AGBL3: variants seen among roughly 807,000 people sequenced by gnomAD.
The protein encoded by AGBL3 is cytosolic carboxypeptidase 3.
AGBL3 carries 68 observed loss-of-function variants against 94.5 expected under a neutral mutation model. The ratio of observed to expected loss-of-function variants is 0.72; its 90% CI spans 0.59 to 0.88. The LOEUF is 0.88. AGBL3 is among the 40% of genes least tolerant of loss of function. AGBL3 has a pLI of 0.00. For synonymous variants in AGBL3, 354 were observed against 370.7 expected, an observed-to-expected ratio of 0.95 and a Z score of 0.52; for missense variants, 934 against 1,103.8, an observed-to-expected ratio of 0.85 and a Z score of 2.18.
At chr7:135,118,615 A>G (rs954236659) in intron 16 of AGBL3, among the ~76,000 whole-genome samples, 10 of 152,246 alleles carry the variant, frequency 6.6e-5, no homozygotes, top group African/African-American at 2.2e-4. Flanking sequence ...CTATGTTTTA[A>G]TCAGAAATAA....
At chr7:134,988,340 G>A (rs1809737134) in intron 2 of AGBL3, 5 of 208,040 alleles carry the variant, frequency 2.4e-5, no homozygotes, top group South Asian at 2.4e-4. Context: ...GTGTTACATC[G>A]TAGTATGAAT....
intron 4 of AGBL3, among the ~76,000 whole-genome samples, chr7:135,005,709 T>C (rs1305905086): frequency 6.6e-6 from 1 of 151,888 alleles, no homozygotes; most frequent in African/African-American, 2.4e-5. Flanking sequence ...CTCAAGCTTT[T>C]ATATAGCTAC....
chr7:135,113,824 G>A (rs1825961531), intron 15 of AGBL3, among the ~76,000 whole-genome samples: 2 of 152,022 alleles, frequency 1.3e-5, no homozygotes, highest in Non-Finnish European at 1.5e-5. Context: ...CCTCCCCCCA[G>A]CACCTGGAAA....
intron 8 of AGBL3, among the ~76,000 whole-genome samples, chr7:135,041,408 T>C (rs1291468569): frequency 6.6e-6 from 1 of 152,176 alleles, no homozygotes; most frequent in Non-Finnish European, 1.5e-5. Flanking sequence ...AGGAACTGTG[T>C]AAACACCAAA....
chr7:135,095,644 A>G (rs896911554), intron 15 of AGBL3, among the ~76,000 whole-genome samples: 2 of 152,226 alleles, frequency 1.3e-5, no homozygotes, highest in Non-Finnish European at 2.9e-5. Context: ...TCCCCAAAAT[A>G]GAAAATGGAA....
At chr7:135,122,834 GCAA>G (rs1827331810) in intron 16 of AGBL3, among the ~76,000 whole-genome samples, 1 of 152,018 alleles carries the variant, frequency 6.6e-6, no homozygotes, top group African/African-American at 2.4e-5. Flanking sequence ...CAAATAGAAA[GCAA>G]CAACAACAGT....
At chr7:135,099,849 C>T (rs2117012583) in intron 15 of AGBL3, 1 of 134,890 alleles carries the variant, frequency 7.4e-6, no homozygotes, top group Non-Finnish European at 1.6e-5. Flanking sequence ...ATATTTATTT[C>T]TGTGCATTTA....
At chr7:135,017,283 G>A (rs1317862832) in intron 5 of AGBL3, 124 bp downstream of exon 5, 1 of 721,724 alleles carries the variant, frequency 1.4e-6, no homozygotes, top group African/African-American at 1.8e-5. Context: ...ACATAAAGAT[G>A]TTTGTTTATA....
chr7:135,040,034 C>T lies in AGBL3; in HGVS notation c.1500+2454C>T, dbSNP rs186998365. Among the ~76,000 whole-genome samples, 20 of 152,150 alleles carry T rather than the reference C, an allele frequency of 1.3e-4. No individual in the cohort carries two copies. The East Asian group carries it at 3.5e-3, about 27-fold the overall frequency. ...AATATCAAGAATGAAAGAGAGGTAT[C>T]ACTACAGACCCTGCAGGCATTAAAA... On this transcript the variant is annotated intron_variant, in intron 8 of 16. Coordinates refer to ENST00000436302, the MANE Select transcript of AGBL3 (RefSeq NM_178563.4).
At chr7:135,026,248 T>TTTTATTTTTTTTTTTTTA (rs1815098509) in intron 5 of AGBL3, among the ~76,000 whole-genome samples, 1 of 113,722 alleles carries the variant, frequency 8.8e-6, no homozygotes, top group African/African-American at 4.4e-5. Flanking sequence ...AATACCATTA[T>TTTTATTTTTTTTTTTTTA]TTTATTTTAT....
At chr7:135,097,082 C>A (rs1396207829) in intron 15 of AGBL3, among the ~76,000 whole-genome samples, 1 of 152,178 alleles carries the variant, frequency 6.6e-6, no homozygotes, top group Non-Finnish European at 1.5e-5. Context: ...GGGCATACCA[C>A]CCAAATGAAT....
chr7:135,127,561 A>G (rs1828066171), intron 16 of AGBL3, among the ~76,000 whole-genome samples: 1 of 152,140 alleles, frequency 6.6e-6, no homozygotes, highest in Non-Finnish European at 1.5e-5. Context: ...AAAAAAAAAA[A>G]AAAAACTCAA....
intron 8 of AGBL3, among the ~76,000 whole-genome samples, chr7:135,038,336 A>G (rs1816505611): frequency 6.6e-6 from 1 of 152,262 alleles, no homozygotes; most frequent in African/African-American, 2.4e-5. Flanking sequence ...TTGTTCGCCA[A>G]AGAGGATTCA....
In AGBL3 at chr7:135,042,502, G is replaced by T. The variant is rs566540782; in HGVS notation, c.1501-1523G>T. Among the ~76,000 whole-genome samples, 9 of 152,266 alleles carry T rather than the reference G, an allele frequency of 5.9e-5. No homozygotes were observed. The East Asian group carries it at 1.5e-3, about 26-fold the overall frequency. On this transcript the variant is annotated intron_variant, in intron 8 of 16. Transcript: ENST00000436302. ...AGTGACAGAGAGCAAATCAATGGTT[G>T]CCAGGGGTTAGAGGTGGCAGGAGGG... is the stretch of plus-strand genomic sequence containing the variant.
chr7:135,067,481 G>C (rs1162095083), intron 12 of AGBL3, among the ~76,000 whole-genome samples: 1 of 152,180 alleles, frequency 6.6e-6, no homozygotes, highest in African/African-American at 2.4e-5. Flanking sequence ...TAATTGGGAG[G>C]CACCCCCCAG....
intron 16 of AGBL3, among the ~76,000 whole-genome samples, chr7:135,116,158 T>C (rs779782498): frequency 3.3e-5 from 5 of 152,236 alleles, no homozygotes; most frequent in African/African-American, 4.8e-5. Flanking sequence ...TCCTATGTGC[T>C]ACACACCGTT....
chr7:135,105,571 A>G (rs1342866102), intron 15 of AGBL3, among the ~76,000 whole-genome samples: 1 of 152,058 alleles, frequency 6.6e-6, no homozygotes, highest in Admixed American at 6.6e-5. Flanking sequence ...TGGGCTCTCT[A>G]TTTGGTTCCA....
rs1815912583 is a variant in AGBL3 at position 135,032,848 on chromosome 7, C to A, written c.423C>A (p.Tyr141Ter). The change falls in exon 6 of 17, where the codon TAC becomes TAA. Residue 141 changes from tyrosine (Y) to a stop codon, truncating the protein, a stop_gained. Transcript: ENST00000436302. LOFTEE classifies it high-confidence loss of function. ...ATVVYLAEDA[Y>*]KEPCFVYSRV... ...ATGATCTTCTTCTCTCATCAGCTTA[C>A]AAAGAGCCCTGTTTTGTGTATTCCC... is the stretch of plus-strand genomic sequence containing the variant. 1.3e-6 allele frequency: 2 copies of A among 1,545,822 alleles called. No homozygotes were observed. The highest frequency in any genetic ancestry group is 1.7e-6 in the Non-Finnish European group (2 of 1,144,892).
rs2116450438 is a variant in AGBL3, at chr7:135,034,524, T to C, written c.933T>C (p.Ser311=). 1 of 1,552,002 alleles carries C rather than the reference T, an allele frequency of 6.4e-7. No individual in the cohort carries two copies. Among genetic ancestry groups the C allele is most frequent in the Admixed American group, 2.0e-5 (1 of 51,014 alleles). ...ACACCAACCTGCAAGAATACCTTTC[T>C]GGCATCAATAATGATCCAGTACGGT... ...YTYTNLQEYL[S]GINNDPVRSK... Residue 311 remains serine, a synonymous_variant, in exon 7 of 17, where the codon TCT becomes TCC. Coordinates refer to ENST00000436302, the MANE Select transcript of AGBL3 (RefSeq NM_178563.4).
Sources: allele counts gnomAD v4.1 joint callset (sites outside exome capture counted in the v4.1 genomes callset), GRCh38; gene constraint gnomAD v4.1.1; transcripts MANE v1.5; gene names NCBI Gene and HGNC (gene_info 2026-07-23, HGNC 2026-07-21).